The following RNF17 variants were observed in gnomAD, a reference collection of about 807,000 sequenced individuals.
The protein encoded by RNF17 is ring finger protein 17.
RNF17 carries 31 observed loss-of-function variants against 200.5 expected under a neutral mutation model. The observed-to-expected ratio is 0.15, with a 90% CI of 0.12 to 0.21. The LOEUF (loss-of-function observed/expected upper bound fraction) is 0.21, where lower values mean the gene tolerates loss of function less well. RNF17 is among the 10% of genes least tolerant of loss of function. RNF17 has a pLI of 1.00. For missense variants in RNF17, 1,628 were observed against 1,905.1 expected, an observed-to-expected ratio of 0.85 and a Z score of 2.71; for synonymous variants, 606 against 637.8, an observed-to-expected ratio of 0.95 and a Z score of 0.75.
chr13:24,781,812 T>A, intron 5 of RNF17, 32 bp from the exon 6 acceptor site: 4 of 1,450,672 alleles, frequency 2.8e-6, no homozygotes, highest in Non-Finnish European at 3.7e-6. Context: ...AATTCCCAAA[T>A]TAAGTTTTTG....
the RNF17 span, chr13:24,750,977 G>A: frequency 1.3e-5 from 2 of 151,484 alleles, no homozygotes; most frequent in Admixed American, 6.6e-5. Context: ...TTTTTTTTGA[G>A]GCAAAAGATA....
intron 9 of RNF17, among the ~76,000 whole-genome samples, chr13:24,790,843 A>G (rs1010161381): frequency 1.4e-4 from 21 of 152,144 alleles, no homozygotes; most frequent in African/African-American, 3.9e-4. Context: ...AAAAGGGCAT[A>G]AGCTAGTTCC....
chr13:24,779,975 C>T (rs1882127085), intron 5 of RNF17, among the ~76,000 whole-genome samples: 2 of 152,158 alleles, frequency 1.3e-5, no homozygotes, highest in African/African-American at 4.8e-5. Flanking sequence ...ACCATGACTT[C>T]TCCTTGCTAT....
downstream of RNF17, chr13:24,884,602 G>T: frequency 1.2e-6 from 1 of 827,066 alleles, no homozygotes; most frequent in Non-Finnish European, 2.0e-6. Flanking sequence ...ATTTCGTGAG[G>T]AGTAGCAAAC....
At chr13:24,870,146 C>T (rs1184083315) in intron 31 of RNF17, among the ~76,000 whole-genome samples, 1 of 151,916 alleles carries the variant, frequency 6.6e-6, no homozygotes, top group Non-Finnish European at 1.5e-5. Context: ...CGAGGTTTCA[C>T]CGTGTTAGCC....
In RNF17 at chr13:24,864,872, G is replaced by T; in HGVS notation, c.3976-1G>T. Reference sequence around the variant, plus strand: ...GATTATCTTTATTGAACTTTAAATAGGAGTTACCTAAAAATCCATGGGAGA... The same window carrying T: ...GATTATCTTTATTGAACTTTAAATATGAGTTACCTAAAAATCCATGGGAGA... On this transcript the variant is annotated splice_acceptor_variant, in intron 28 of 35. Transcript: ENST00000255324. LOFTEE classifies it high-confidence loss of function. 2 of 1,532,628 alleles carry T rather than the reference G, an allele frequency of 1.3e-6. No individual in the cohort carries two copies. Among genetic ancestry groups the T allele is most frequent in the South Asian group, 1.2e-5 (1 of 84,964 alleles). 94.9% of individuals were successfully genotyped at this position (1,532,628 alleles called of 1,614,324 possible). A position where few individuals can be genotyped will look rare whatever the true frequency, so the allele number is the denominator to read the frequency against.
At chr13:24,809,427 A>G (rs867674139) in intron 15 of RNF17, among the ~76,000 whole-genome samples, 194 of 152,134 alleles carry the variant, frequency 1.3e-3, no homozygotes, top group African/African-American at 4.5e-3. Flanking sequence ...GTTTATTTGC[A>G]TAGAGGTGTT....
At chr13:24,838,731 G>T (rs2138092428) in intron 18 of RNF17, among the ~76,000 whole-genome samples, 1 of 152,278 alleles carries the variant, frequency 6.6e-6, no homozygotes, top group East Asian at 1.9e-4. Context: ...ATGGGGAAAA[G>T]TTGAAAGCAT....
chr13:24,841,974 A>T (rs1223673873), intron 18 of RNF17, 67 bp from the exon 19 acceptor site: 3 of 1,461,722 alleles, frequency 2.1e-6, no homozygotes, highest in South Asian at 1.3e-5. Context: ...TCCAAAAAAA[A>T]AAATTGCCTC....
At chr13:24,873,411 T>C (rs955893399) in intron 32 of RNF17, among the ~76,000 whole-genome samples, 9 of 152,232 alleles carry the variant, frequency 5.9e-5, no homozygotes, top group Non-Finnish European at 1.0e-4. Context: ...TACATTTTCT[T>C]CTTTGTACTT....
the RNF17 span, among the ~76,000 whole-genome samples, chr13:24,749,307 C>CTTTCTTTCTTTCTTTT: frequency 2.0e-4 from 22 of 108,020 alleles, no homozygotes; most frequent in Non-Finnish European, 3.2e-4. Flanking sequence ...TTCTTTCTTT[C>CTTTCTTTCTTTCTTTT]TTTTTTTTTT....
At chr13:24,765,871 T>A (rs966602675) in intron 1 of RNF17, among the ~76,000 whole-genome samples, 13 of 152,242 alleles carry the variant, frequency 8.5e-5, no homozygotes, top group Admixed American at 3.9e-4. Flanking sequence ...AAATTTAGCA[T>A]GGTTGTAAGC....
At chr13:24,880,408 C>T (rs554812627), downstream of RNF17, among the ~76,000 whole-genome samples, 87 of 152,296 alleles carry the variant, frequency 5.7e-4, no homozygotes, top group African/African-American at 2.0e-3. Flanking sequence ...GGGAACACAG[C>T]CAAAGCATAT....
chr13:24,747,916 C>T, the RNF17 span, among the ~76,000 whole-genome samples: 1 of 152,240 alleles, frequency 6.6e-6, no homozygotes, highest in African/African-American at 2.4e-5. Context: ...GTGCTCGGGC[C>T]CTACCCAGCC....
chr13:24,856,873 G>A (rs1385858303), intron 25 of RNF17, among the ~76,000 whole-genome samples: 1 of 152,116 alleles, frequency 6.6e-6, no homozygotes, highest in Non-Finnish European at 1.5e-5. Context: ...CTTAAATTGT[G>A]TGTTTTATTC....
chr13:24,834,576 G>A (rs1889763919), intron 18 of RNF17, among the ~76,000 whole-genome samples: 1 of 152,210 alleles, frequency 6.6e-6, no homozygotes, highest in African/African-American at 2.4e-5. Context: ...CACTGGAGAA[G>A]CTGAAGGTCT....
chr13:24,870,796 C>T (rs2305368), intron 32 of RNF17, 57 bp downstream of exon 32: 399,906 of 1,473,802 alleles, frequency 0.27, 55,971 homozygotes, highest in Non-Finnish European at 0.29. Context: ...GATTTTGTTT[C>T]AATGGGCTGA....
intron 3 of RNF17, among the ~76,000 whole-genome samples, chr13:24,776,597 T>C (rs1373367862): frequency 1.3e-5 from 2 of 152,208 alleles, no homozygotes; most frequent in African/African-American, 4.8e-5. Flanking sequence ...TCATTCTGGC[T>C]CATCGTGAGT....
At chr13:24,860,215 A>T (rs904281090) in intron 26 of RNF17, among the ~76,000 whole-genome samples, 1 of 151,850 alleles carries the variant, frequency 6.6e-6, no homozygotes, top group Non-Finnish European at 1.5e-5. Context: ...GGTAAAATGA[A>T]ATTCAGTGTT....
Sources: allele counts gnomAD v4.1 joint callset (sites outside exome capture counted in the v4.1 genomes callset), GRCh38; gene constraint gnomAD v4.1.1; transcripts MANE v1.5; gene names NCBI Gene and HGNC (gene_info 2026-07-23, HGNC 2026-07-21).